Variants in UGT1A6 observed in about 807,000 individuals in gnomAD.
UGT1A6 encodes UDP-glucuronosyltransferase 1A6.
In UGT1A6, 32 loss-of-function variants were observed where a neutral mutation model predicts 44.4. That is an observed-to-expected ratio of 0.72 (90% CI 0.54 to 0.97). UGT1A6 has a LOEUF of 0.97. Among genes scored for constraint, UGT1A6 ranks in the 50% least tolerant of loss-of-function variants. The pLI is 0.00. For missense variants in UGT1A6, 685 were observed against 661.9 expected, an observed-to-expected ratio of 1.03 and a Z score of -0.38; for synonymous variants, 238 against 248.5, an observed-to-expected ratio of 0.96 and a Z score of 0.40.
chr2:233,765,354 C>T (rs147489068), intron 1 of UGT1A6, among the ~76,000 whole-genome samples: 102 of 152,262 alleles, frequency 6.7e-4, no homozygotes, highest in African/African-American at 2.3e-3. Context: ...ATGGAACCAA[C>T]CCAGATGCCC....
chr2:233,736,505 A>G (rs530894832), intron 1 of UGT1A6, among the ~76,000 whole-genome samples: 2 of 152,202 alleles, frequency 1.3e-5, no homozygotes, highest in South Asian at 2.1e-4. Flanking sequence ...TCTGAAGCCT[A>G]CTTCTGTCAA....
rs573485749 is a variant in UGT1A6 at position 233,724,715 on chromosome 2, C to G, written c.861+30850C>G. On this transcript the variant is annotated intron_variant, in intron 1 of 4. Coordinates refer to ENST00000305139, the MANE Select transcript of UGT1A6 (RefSeq NM_001072.4). ...GTGAAGACGCTCCTCGCTTTCCAGACTGGGCAGCCAGGCAGAGGGGCTCCT... is the reference window on the plus strand; with the variant it reads ...GTGAAGACGCTCCTCGCTTTCCAGAGTGGGCAGCCAGGCAGAGGGGCTCCT... Among the ~76,000 whole-genome samples, 232 of 143,874 alleles carry G rather than the reference C, an allele frequency of 1.6e-3. 23 individuals carry two copies. Among genetic ancestry groups the G allele is most frequent in the African/African-American group, 6.0e-3 (227 of 38,016 alleles). The allele number at this position is 143,874 out of a possible 152,430, so 94.4% of individuals were successfully genotyped here. A position where few individuals can be genotyped will look rare whatever the true frequency, so the allele number is the denominator to read the frequency against.
At chr2:233,736,503 C>T (rs924355972) in intron 1 of UGT1A6, among the ~76,000 whole-genome samples, 2 of 152,196 alleles carry the variant, frequency 1.3e-5, no homozygotes, top group African/African-American at 2.4e-5. Context: ...CTTCTGAAGC[C>T]TACTTCTGTC....
intron 1 of UGT1A6, among the ~76,000 whole-genome samples, chr2:233,756,629 A>G (rs1696275606): frequency 6.6e-6 from 1 of 152,204 alleles, no homozygotes; most frequent in South Asian, 2.1e-4. Flanking sequence ...GGCCGTGTGT[A>G]TAGCACTGGG....
At chr2:233,746,981 C>T (rs1456419119) in intron 1 of UGT1A6, among the ~76,000 whole-genome samples, 1 of 151,772 alleles carries the variant, frequency 6.6e-6, no homozygotes, top group Non-Finnish European at 1.5e-5. Flanking sequence ...AGAGCGAGCG[C>T]AGGGTCAGAT....
At chr2:233,708,894 G>C (rs181869766) in intron 1 of UGT1A6, among the ~76,000 whole-genome samples, 1 of 152,206 alleles carries the variant, frequency 6.6e-6, no homozygotes, top group Non-Finnish European at 1.5e-5. Context: ...AATCTCAGGG[G>C]CTATCTGGTT....
At chr2:233,703,429 CT>C (rs2075738163) in intron 1 of UGT1A6, among the ~76,000 whole-genome samples, 1 of 151,928 alleles carries the variant, frequency 6.6e-6, no homozygotes, top group Non-Finnish European at 1.5e-5. Context: ...TCTATTGCTT[CT>C]CTATTTCTAT....
chr2:233,715,350 G>A (rs756045317), intron 1 of UGT1A6, among the ~76,000 whole-genome samples: 3 of 151,318 alleles, frequency 2.0e-5, no homozygotes, highest in Non-Finnish European at 4.4e-5. Context: ...GTAGGTTTGA[G>A]GTTTGAGACT....
chr2:233,770,795 G>A (rs1575855208), intron 4 of UGT1A6: 1 of 152,228 alleles, frequency 6.6e-6, no homozygotes, highest in East Asian at 1.9e-4. Flanking sequence ...TTATAGATAT[G>A]TTTAAAGACA....
intron 1 of UGT1A6, among the ~76,000 whole-genome samples, chr2:233,726,328 C>T (rs2077525468): frequency 6.6e-6 from 1 of 152,196 alleles, no homozygotes; most frequent in Non-Finnish European, 1.5e-5. Context: ...GGAGTTTCAG[C>T]ACCTGTGGTT....
At chr2:233,703,675 A>T (rs2075747379) in intron 1 of UGT1A6, among the ~76,000 whole-genome samples, 1 of 152,106 alleles carries the variant, frequency 6.6e-6, no homozygotes, top group Admixed American at 6.5e-5. Flanking sequence ...GTTTCATGAT[A>T]TATTTTTTTT....
chr2:233,757,537 T>TATATATACATATACATATAC (rs1472416448), intron 1 of UGT1A6, among the ~76,000 whole-genome samples: 1 of 107,778 alleles, frequency 9.3e-6, no homozygotes, highest in African/African-American at 4.7e-5. Flanking sequence ...CTGTAAGGAA[T>TATATATACATATACATATAC]ATATATATAT....
At chr2:233,739,631 G>A (rs767111221) in intron 1 of UGT1A6, among the ~76,000 whole-genome samples, 3 of 152,206 alleles carry the variant, frequency 2.0e-5, no homozygotes, top group Admixed American at 6.5e-5. Context: ...ATTTGAAATG[G>A]GAACATTTAC....
intron 1 of UGT1A6, among the ~76,000 whole-genome samples, chr2:233,707,429 T>C (rs773966479): frequency 7.2e-5 from 11 of 152,196 alleles, no homozygotes; most frequent in Non-Finnish European, 1.6e-4. Context: ...ATTTCTTTGC[T>C]TTTCTTTACA....
At chr2:233,754,901 C>G (rs996500791) in intron 1 of UGT1A6, 1 of 1,352,458 alleles carries the variant, frequency 7.4e-7, no homozygotes, top group South Asian at 1.1e-5. Flanking sequence ...TCTGACCCCC[C>G]AAAATATTCT....
At chr2:233,724,183 G>C (rs1455555189) in intron 1 of UGT1A6, among the ~76,000 whole-genome samples, 1 of 117,596 alleles carries the variant, frequency 8.5e-6, no homozygotes, top group Non-Finnish European at 1.8e-5. Context: ...TCTCCCTCCC[G>C]GACGGGGTGG....
chr2:233,767,992 C>T, intron 3 of UGT1A6, 56 bp downstream of exon 3: 1 of 1,614,084 alleles, frequency 6.2e-7, no homozygotes, highest in South Asian at 1.1e-5. Flanking sequence ...AAGAAAATGG[C>T]TTAAGCACAG....
chr2:233,720,045 G>A (rs577020263), intron 1 of UGT1A6, among the ~76,000 whole-genome samples: 1 of 152,284 alleles, frequency 6.6e-6, no homozygotes, highest in Admixed American at 6.5e-5. Context: ...ATTTTCAGCT[G>A]AACGGTGATG....
chr2:233,725,566 C>T (rs559123427), intron 1 of UGT1A6, among the ~76,000 whole-genome samples: 223 of 152,120 alleles, frequency 1.5e-3, no homozygotes, highest in African/African-American at 5.2e-3. Context: ...AACATATATT[C>T]GATATAAGAT....
Sources: gnomAD v4.1 joint callset for allele counts (sites outside exome capture counted in the v4.1 genomes callset) on GRCh38, gnomAD v4.1.1 for gene constraint, MANE v1.5 for transcripts, NCBI Gene and HGNC (gene_info 2026-07-23, HGNC 2026-07-21) for gene names.